The following CDC23 variants were observed in gnomAD, a reference collection of about 807,000 sequenced individuals.
The protein encoded by CDC23 is cell division cycle protein 23 homolog.
Under a neutral mutation model 81.7 loss-of-function variants are expected in CDC23, and 26 were observed. That is an observed-to-expected ratio of 0.32 (90% CI 0.23 to 0.44). The LOEUF is 0.44. Among genes scored for constraint, CDC23 ranks in the 20% least tolerant of loss-of-function variants. The pLI is 1.00. For synonymous variants in CDC23, 267 were observed against 270.8 expected (o/e 0.99, Z 0.14); for missense variants, 519 against 728.0 (o/e 0.71, Z 3.30).
chr5:138,201,214 C>T lies in CDC23; in HGVS notation c.547G>A (p.Asp183Asn), dbSNP rs779458814. ...YLYGVVLRKLDLVKEAIDVFV... is the reference protein window; with the variant it reads ...YLYGVVLRKLNLVKEAIDVFV... Reference sequence around the variant, plus strand: ...ACATCAATGGCCTCTTTAACCAAGTCCAGTTTTCGAAGCACCACACCATAC... The same window carrying T: ...ACATCAATGGCCTCTTTAACCAAGTTCAGTTTTCGAAGCACCACACCATAC... The change falls in exon 6 of 16, where the codon GAC (aspartate) becomes AAC (asparagine). Residue 183 changes from aspartate (D) to asparagine (N), a missense_variant. Coordinates refer to ENST00000394886, the MANE Select transcript of CDC23 (RefSeq NM_004661.4). 1.9e-6 allele frequency: 3 copies of T among 1,614,164 alleles called. No individual in the cohort carries two copies. The East Asian group carries it at 6.7e-5, about 36-fold the overall frequency.
At chr5:138,211,348 C>T (rs569306824) in intron 2 of CDC23, among the ~76,000 whole-genome samples, 51 of 152,272 alleles carry the variant, frequency 3.3e-4, no homozygotes, top group Non-Finnish European at 5.1e-4. Context: ...GAACAACAGA[C>T]ACCAGGGACT....
chr5:138,200,960 C>T (rs1754982470), intron 6 of CDC23, 147 bp downstream of exon 6: 1 of 775,980 alleles, frequency 1.3e-6, no homozygotes, highest in East Asian at 2.6e-5. Context: ...CAAAGACTTA[C>T]TTCCAAAACA....
chr5:138,193,143 G>C (rs1222280229), intron 9 of CDC23, among the ~76,000 whole-genome samples: 2 of 152,138 alleles, frequency 1.3e-5, no homozygotes, highest in Non-Finnish European at 2.9e-5. Flanking sequence ...TGCCAGGGTG[G>C]TCACAAACTC....
At chr5:138,205,740 C>G (rs1390545214) in intron 3 of CDC23, 1 of 148,494 alleles carries the variant, frequency 6.7e-6, no homozygotes, top group Non-Finnish European at 1.5e-5. Context: ...TAGTCCATAA[C>G]TGCAAGAATT....
In CDC23 at chr5:138,201,465, G is replaced by A. The variant is rs944887221; in HGVS notation, c.416-17C>T. 6.5e-7 allele frequency: 1 copy of A among 1,544,714 alleles called. No homozygotes were observed. The highest frequency in any genetic ancestry group is 8.9e-7 in the Non-Finnish European group (1 of 1,119,848). ...CCAGGGGGCCTAGGAAAGAAACAGA[G>A]TCTCTGTTCTAAGGTTAGGATGCTG... On this transcript the variant is annotated splice_polypyrimidine_tract_variant and intron_variant, in intron 4 of 15. Transcript: ENST00000394886.
intron 6 of CDC23, among the ~76,000 whole-genome samples, 181 bp from the exon 7 acceptor site, chr5:138,198,963 C>A (rs776055264): frequency 6.6e-6 from 1 of 152,144 alleles, no homozygotes; most frequent in Non-Finnish European, 1.5e-5. Flanking sequence ...TAGGGAGGAA[C>A]AGCCTAGTTG....
At chr5:138,203,088 C>A (rs17234807) in intron 3 of CDC23, among the ~76,000 whole-genome samples, 1,526 of 151,858 alleles carry the variant, frequency 0.01, 19 homozygotes, top group Non-Finnish European at 0.016. Flanking sequence ...AAACATCAGA[C>A]ATATCCAAAA....
At chr5:138,195,662 T>TATATTTTATATATGCATATATAC (rs1344185141) in intron 9 of CDC23, among the ~76,000 whole-genome samples, 2 of 113,692 alleles carry the variant, frequency 1.8e-5, no homozygotes, top group African/African-American at 6.7e-5. Context: ...ATTATATACA[T>TATATTTTATATATGCATATATAC]ATATTTTATA....
intron 9 of CDC23, among the ~76,000 whole-genome samples, chr5:138,195,868 A>G (rs1462325369): frequency 1.4e-5 from 2 of 143,298 alleles, no homozygotes; most frequent in Non-Finnish European, 3.0e-5. Context: ...CTGCCGCTCA[A>G]GTAGAGACTG....
chr5:138,190,106 TGGAA>T, intron 13 of CDC23, 200 bp from the exon 14 acceptor site: 1 of 587,116 alleles, frequency 1.7e-6, no homozygotes, highest in Non-Finnish European at 3.0e-6. Context: ...CTGCTAATGA[TGGAA>T]GGAGAGTCAG....
At position 138,209,432 on chromosome 5, in the gene CDC23, A is replaced by G. The variant is rs540735644; in HGVS notation, c.235-2748T>C. Among the ~76,000 whole-genome samples the G allele has an allele frequency of 1.4e-4, 21 of 151,632 alleles. No individual in the cohort carries two copies. In the South Asian group the frequency reaches 4.4e-3, roughly 31 times the overall value. ...AACAGAGTGAGACTCAAAAAAAAAA[A>G]AAGAAAAGAAAAGAAAAGAAAAGCT... is the stretch of plus-strand genomic sequence containing the variant. On this transcript the variant is annotated intron_variant, in intron 2 of 15. Coordinates refer to ENST00000394886, the MANE Select transcript of CDC23 (RefSeq NM_004661.4).
In CDC23 at chr5:138,196,890, CTTTTTT is replaced by C. The variant is rs34002952; in HGVS notation, c.1012+1303_1012+1308del. Among the ~76,000 whole-genome samples, 386 of 113,412 alleles carry C rather than the reference CTTTTTT, an allele frequency of 3.4e-3. 7 individuals are homozygous for C. Among genetic ancestry groups the C allele is most frequent in the African/African-American group, 0.013 (358 of 28,524 alleles). The allele number at this position is 113,412 out of a possible 152,430, so 74.4% of individuals were successfully genotyped here. ...CCACCGCGCCTGGCCTTTTTTTTTC[CTTTTTT>C]TTTTTTTTTTTTTTTTTAAATAGAG... On this transcript the variant is annotated intron_variant, in intron 9 of 15. Transcript: ENST00000394886.
chr5:138,191,943 AAAG>A lies in CDC23; in HGVS notation c.1287-9_1287-7del, dbSNP rs775367525. On this transcript the variant is annotated splice_polypyrimidine_tract_variant and splice_region_variant and intron_variant, in intron 11 of 15. Coordinates refer to ENST00000394886, the MANE Select transcript of CDC23 (RefSeq NM_004661.4). ...GCATGCGAGAATCATTGGGTCTGAG[AAAG>A]AAGAACAGGCAGTCTGAGCAAAGAC... 3 of 1,613,388 alleles carry A rather than the reference AAAG, an allele frequency of 1.9e-6. No individual in the cohort carries two copies. The highest frequency in any genetic ancestry group is 2.2e-5 in the East Asian group (1 of 44,868).
Position 138,198,297 on chromosome 5 carries a change from A to G in CDC23, c.931-17T>C, listed in dbSNP as rs928658107. On this transcript the variant is annotated splice_polypyrimidine_tract_variant and intron_variant, in intron 8 of 15. Transcript: ENST00000394886. ...TTTCATGCTCTGGGATAAAAGAAAAAGACAATATAAGCATGAAAAAAGAAC... is the reference window on the plus strand; with the variant it reads ...TTTCATGCTCTGGGATAAAAGAAAAGGACAATATAAGCATGAAAAAAGAAC... 1 of 1,607,294 alleles carries G rather than the reference A, an allele frequency of 6.2e-7. No individual in the cohort carries two copies. Among genetic ancestry groups the G allele is most frequent in the Non-Finnish European group, 8.5e-7 (1 of 1,174,400 alleles).
intron 2 of CDC23, among the ~76,000 whole-genome samples, chr5:138,212,773 T>C (rs1202918564): frequency 6.7e-6 from 1 of 148,428 alleles, no homozygotes; most frequent in Non-Finnish European, 1.5e-5. Context: ...GTTTACTAAT[T>C]CTCCCCAGCT....
chr5:138,188,378 A>T lies in CDC23; in HGVS notation c.*600T>A, dbSNP rs555765926. 1 of 152,216 alleles carries T rather than the reference A, an allele frequency of 6.6e-6. No homozygotes were observed. The highest frequency in any genetic ancestry group is 2.1e-4 in the South Asian group (1 of 4,820). The allele number at this position is 152,216 out of a possible 1,614,324, so 9.4% of individuals were successfully genotyped here. A position where few individuals can be genotyped will look rare whatever the true frequency, so the allele number is the denominator to read the frequency against. ...TATTCAACTCTAGTTGAATAAAGTT[A>T]CTTCCAATTTGAAAGCTTTAGAAGA... On this transcript the variant is annotated 3_prime_UTR_variant, in exon 16 of 16. Transcript: ENST00000394886.
Position 138,213,146 on chromosome 5 carries a change from T to C in CDC23, c.161+6A>G. 1 of 1,613,960 alleles carries C rather than the reference T, an allele frequency of 6.2e-7. No individual in the cohort carries two copies. ...AGCCCCGTCCCTTCCCACTCCAACA[T>C]CTCACCATTTGCTACTGTGTAGTAG... On this transcript the variant is annotated splice_donor_region_variant and intron_variant, in intron 1 of 15. Transcript: ENST00000394886.
chr5:138,206,466 T>C (rs1227688836), intron 3 of CDC23, 81 bp downstream of exon 3: 1 of 1,433,238 alleles, frequency 7.0e-7, no homozygotes, highest in Non-Finnish European at 9.9e-7. Flanking sequence ...TGCTAAGCTA[T>C]TTAAAAGATT....
intron 4 of CDC23, 130 bp from the exon 5 acceptor site, chr5:138,201,578 C>T: frequency 1.6e-6 from 1 of 634,230 alleles, no homozygotes; most frequent in South Asian, 2.4e-5. Flanking sequence ...AACTCCTGGG[C>T]TCAAGTGATC....
Sources: allele counts gnomAD v4.1 joint callset (sites outside exome capture counted in the v4.1 genomes callset), GRCh38; gene constraint gnomAD v4.1.1; transcripts MANE v1.5; gene names NCBI Gene and HGNC (gene_info 2026-07-23, HGNC 2026-07-21).